MAU2: variants seen among roughly 807,000 people sequenced by gnomAD.
The protein encoded by MAU2 is MAU2 sister chromatid cohesion factor.
A neutral mutation model predicts 89.1 loss-of-function variants in MAU2; 9 were observed. The observed-to-expected ratio is 0.10, with a 90% confidence interval of 0.06 to 0.18. The LOEUF (loss-of-function observed/expected upper bound fraction) is 0.18. Ranked by LOEUF, MAU2 falls within the 10% of genes least tolerant of loss-of-function variation. The probability of loss-of-function intolerance (pLI) is 1.00; values close to 1 mark genes in which losing one functional copy is unlikely to be tolerated. For missense variants in MAU2, 425 were observed against 803.5 expected (o/e 0.53, Z 5.69); for synonymous variants, 357 against 343.4 (o/e 1.04, Z -0.44).
intron 2 of MAU2, 132 bp from the exon 3 acceptor site, chr19:19,335,990 A>G: frequency 2.7e-6 from 2 of 747,412 alleles, no homozygotes; most frequent in South Asian, 3.3e-5. Flanking sequence ...GGGAACAGGA[A>G]AACTTGGAAT....
At chr19:19,334,436 C>A (rs927585174) in intron 1 of MAU2, 1 of 985,618 alleles carries the variant, frequency 1.0e-6, no homozygotes, top group Non-Finnish European at 1.2e-6. Context: ...TCTGTGCTTT[C>A]CCAGTGCCTG....
chr19:19,342,220 C>G (rs2061655178), intron 7 of MAU2, among the ~76,000 whole-genome samples: 5 of 152,186 alleles, frequency 3.3e-5, no homozygotes, highest in Admixed American at 3.3e-4. Flanking sequence ...CCTGCCGTCT[C>G]AGGTCTGGCT....
chr19:19,344,191 C>T (rs2061675265), intron 10 of MAU2: 3 of 457,768 alleles, frequency 6.6e-6, no homozygotes, highest in East Asian at 8.7e-5. Flanking sequence ...GCGGGTGGAT[C>T]ACTTGAGGCC....
intron 4 of MAU2, 144 bp downstream of exon 4, chr19:19,337,409 A>G (rs1599904840): frequency 1.5e-6 from 1 of 653,110 alleles, no homozygotes; most frequent in East Asian, 2.7e-5. Context: ...ACATGGGAAC[A>G]TTTCCTTAAC....
chr19:19,345,451 C>T lies in MAU2; in HGVS notation c.1221+82C>T. The stretch of plus-strand genomic sequence containing the variant: ...CGGGCGTGGTCTGTGATGAGGACAG[C>T]AGTCGCGCTAGGTCAGCTATGCAAA... On this transcript the variant is annotated intron_variant, in intron 12 of 18. Coordinates refer to ENST00000262815, the MANE Select transcript of MAU2 (RefSeq NM_015329.4). The surrounding 1 kb of genome is among the most constrained non-coding windows in gnomAD (Gnocchi z 4.9). 2 of 1,361,100 alleles carry T rather than the reference C, an allele frequency of 1.5e-6. No homozygotes were observed. The highest frequency in any genetic ancestry group is 2.1e-6 in the Non-Finnish European group (2 of 960,894). 84.3% of individuals were successfully genotyped at this position (1,361,100 alleles called of 1,614,324 possible).
intron 4 of MAU2, among the ~76,000 whole-genome samples, chr19:19,337,823 C>A (rs1275401123): frequency 6.6e-6 from 1 of 152,238 alleles, no homozygotes; most frequent in East Asian, 1.9e-4. Context: ...CTTTGGCCCC[C>A]CCAGATATAG....
intron 1 of MAU2, among the ~76,000 whole-genome samples, chr19:19,329,558 C>CA (rs1436187652): frequency 2.0e-5 from 3 of 152,272 alleles, no homozygotes; most frequent in African/African-American, 7.2e-5. Flanking sequence ...CCTGTGATGA[C>CA]ACCCAGCCAC....
intron 1 of MAU2, among the ~76,000 whole-genome samples, chr19:19,330,002 T>G (rs927649471): frequency 1.3e-5 from 2 of 151,148 alleles, no homozygotes; most frequent in East Asian, 1.9e-4. Context: ...TTTTTTGAGA[T>G]AAAGTCTCAC....
intron 13 of MAU2, chr19:19,348,655 C>A (rs1388279317): frequency 3.2e-6 from 2 of 632,216 alleles, no homozygotes; most frequent in Middle Eastern, 3.4e-4. Flanking sequence ...GACGCCCAGG[C>A]CCCTGTCACC....
At chr19:19,326,176 T>C (rs1234860672) in intron 1 of MAU2, among the ~76,000 whole-genome samples, 1 of 151,996 alleles carries the variant, frequency 6.6e-6, no homozygotes, top group African/African-American at 2.4e-5. Context: ...CTCAACTGCA[T>C]TTTAAGTCGT....
chr19:19,333,644 A>C (rs928493853), intron 1 of MAU2, among the ~76,000 whole-genome samples: 2 of 152,226 alleles, frequency 1.3e-5, no homozygotes, highest in Non-Finnish European at 2.9e-5. Flanking sequence ...ACAGACATGC[A>C]CGTGTGGGCT....
chr19:19,347,340 C>T lies in MAU2; in HGVS notation c.1282C>T (p.Arg428Trp), dbSNP rs2061701451. Residue 428 changes from arginine (R) to tryptophan (W), a missense_variant, in exon 13 of 19, where the codon CGG becomes TGG. By Grantham distance (101) the Arg-to-Trp change is moderately radical. Transcript: ENST00000262815. ...IVTNLASVYI[R>W]EGNRHQEVLY... ...CACCAACCTGGCGAGTGTGTATATA[C>T]GGGAAGGAAATAGACACCAAGAGGT... 1.9e-6 allele frequency: 3 copies of T among 1,613,466 alleles called. No homozygotes were observed. The highest frequency in any genetic ancestry group is 1.7e-5 in the Admixed American group (1 of 59,972).
Position 19,345,364 on chromosome 19 carries a change from C to T in MAU2, c.1216C>T (p.Leu406=). The stretch of plus-strand genomic sequence containing the variant: ...CGCGGAAGCCCAGTTCACCACGGCC[C>T]TGCGGGTAAGGTGCCGGCCCTCCTT... ...DNAEAQFTTA[L]RLTNHQELWA... Residue 406 remains leucine (L), a synonymous_variant, in exon 12 of 19, where the codon CTG becomes TTG. Transcript: ENST00000262815. This position sits in a 1 kb window ranked among gnomAD's most constrained non-coding sequence, Gnocchi z 4.9. The T allele has an allele frequency of 6.2e-7, 1 of 1,613,804 alleles. No homozygotes were observed. Among genetic ancestry groups the T allele is most frequent in the Non-Finnish European group, 8.5e-7 (1 of 1,179,990 alleles).
At chr19:19,337,472 C>T (rs942196067) in intron 4 of MAU2, among the ~76,000 whole-genome samples, 5 of 152,252 alleles carry the variant, frequency 3.3e-5, no homozygotes, top group Admixed American at 6.5e-5. Context: ...CTGGCTTGAG[C>T]CTGGCTCTCG....
intron 16 of MAU2, among the ~76,000 whole-genome samples, chr19:19,350,555 G>A (rs1282013249): frequency 2.0e-5 from 3 of 150,914 alleles, no homozygotes; most frequent in African/African-American, 4.9e-5. Flanking sequence ...GCAGTAAGCC[G>A]AGGTCGTGTC....
intron 2 of MAU2, among the ~76,000 whole-genome samples, 158 bp downstream of exon 2, chr19:19,335,893 T>C (rs550099382): frequency 2.0e-5 from 3 of 152,288 alleles, no homozygotes; most frequent in East Asian, 3.9e-4. Context: ...TCTGCTGCCC[T>C]TGGGCGCTGT....
intron 10 of MAU2, 95 bp downstream of exon 10, chr19:19,344,035 C>T (rs1290385992): frequency 1.0e-6 from 1 of 954,824 alleles, no homozygotes; most frequent in Non-Finnish European, 1.6e-6. Flanking sequence ...TGCATACTGG[C>T]AGGCCAGCCC....
chr19:19,354,623 A>C (rs1257224268), intron 17 of MAU2, 178 bp downstream of exon 17: 13 of 621,224 alleles, frequency 2.1e-5, no homozygotes, highest in African/African-American at 3.6e-5. Context: ...CAGTGGGTGC[A>C]TTTGTGGCAT....
chr19:19,323,550 C>A (rs529709577), intron 1 of MAU2, among the ~76,000 whole-genome samples: 69 of 152,034 alleles, frequency 4.5e-4, no homozygotes, highest in African/African-American at 1.6e-3. Context: ...TCCATCACCC[C>A]GGCTGGGGTG....
Sources: gnomAD v4.1 joint callset for allele counts (sites outside exome capture counted in the v4.1 genomes callset) on GRCh38, gnomAD v4.1.1 for gene constraint, Gnocchi (gnomAD v3.1) non-coding constraint, MANE v1.5 for transcripts, NCBI Gene and HGNC (gene_info 2026-07-23, HGNC 2026-07-21) for gene names.